Variants in ANXA8 observed in about 807,000 individuals in gnomAD.
ANXA8 encodes annexin A8.
A neutral mutation model predicts 26.8 loss-of-function variants in ANXA8; 9 were observed. The ratio of observed to expected loss-of-function variants is 0.34; its 90% CI spans 0.20 to 0.59. The LOEUF (loss-of-function observed/expected upper bound fraction) is 0.59, where lower values mean the gene tolerates loss of function less well. Ranked by LOEUF, ANXA8 falls within the 20% of genes least tolerant of loss-of-function variation. The probability of loss-of-function intolerance (pLI) is 0.84; values close to 1 mark genes in which losing one functional copy is unlikely to be tolerated. For synonymous variants in ANXA8, 39 were observed against 94.8 expected (o/e 0.41, Z 3.42); for missense variants, 83 against 238.5 (o/e 0.35, Z 4.29).
chr10:47,901,129 CA>C, the ANXA8 span, among the ~76,000 whole-genome samples: 3 of 141,530 alleles, frequency 2.1e-5, no homozygotes, highest in Non-Finnish European at 4.6e-5. Context: ...CCCAGCCAAG[CA>C]AAAAATACAC....
the ANXA8 span, among the ~76,000 whole-genome samples, chr10:47,678,515 TG>T: frequency 2.0e-5 from 3 of 146,950 alleles, no homozygotes; most frequent in Non-Finnish European, 3.0e-5. Flanking sequence ...TATCCAAAAC[TG>T]GGGGAAAAAC....
At chr10:47,944,993 C>A in the ANXA8 span, among the ~76,000 whole-genome samples, 6 of 150,116 alleles carry the variant, frequency 4.0e-5, no homozygotes, top group African/African-American at 1.5e-4. Flanking sequence ...GATTTTGTAT[C>A]TGCAGTTTCC....
At chr10:47,644,930 T>G in the ANXA8 span, among the ~76,000 whole-genome samples, 1 of 151,668 alleles carries the variant, frequency 6.6e-6, no homozygotes, top group African/African-American at 2.4e-5. Context: ...ACCAAATTAT[T>G]CCATTACCTA....
At chr10:47,511,006 C>T in the ANXA8 span, among the ~76,000 whole-genome samples, 2 of 127,728 alleles carry the variant, frequency 1.6e-5, no homozygotes, top group African/African-American at 3.1e-5. Flanking sequence ...TGCAGTGGCG[C>T]GATCTCGGCT....
chr10:47,680,489 G>T, the ANXA8 span, among the ~76,000 whole-genome samples: 1 of 151,810 alleles, frequency 6.6e-6, no homozygotes, highest in Non-Finnish European at 1.5e-5. Flanking sequence ...ACAAAAATTA[G>T]CTGGGTGTGG....
chr10:47,710,125 A>T, the ANXA8 span: 1 of 509,592 alleles, frequency 2.0e-6, no homozygotes, highest in Non-Finnish European at 3.4e-6. Flanking sequence ...ATCTAATCAT[A>T]CTTTACAACA....
the ANXA8 span, among the ~76,000 whole-genome samples, chr10:47,750,582 G>A: frequency 3.3e-5 from 3 of 92,076 alleles, no homozygotes; most frequent in Non-Finnish European, 4.4e-5. Context: ...AAGTAGCTGG[G>A]ACAACAGGCA....
chr10:47,497,689 G>A, the ANXA8 span, among the ~76,000 whole-genome samples: 8 of 146,386 alleles, frequency 5.5e-5, no homozygotes, highest in African/African-American at 1.2e-4. Context: ...TGTAATCCCA[G>A]AACTTTGGGA....
the ANXA8 span, among the ~76,000 whole-genome samples, chr10:47,500,682 TA>T: frequency 9.1e-6 from 1 of 109,574 alleles, no homozygotes; most frequent in Non-Finnish European, 1.8e-5. Flanking sequence ...TAGATCACAT[TA>T]ATGGAAGTGG....
the ANXA8 span, among the ~76,000 whole-genome samples, chr10:47,966,258 T>G: frequency 1.6e-5 from 2 of 123,080 alleles, no homozygotes; most frequent in African/African-American, 2.8e-5. Flanking sequence ...AGGAGAGGAG[T>G]CCCAGAGCAG....
the ANXA8 span, among the ~76,000 whole-genome samples, chr10:47,647,320 T>A: frequency 1.3e-5 from 2 of 151,682 alleles, no homozygotes; most frequent in Non-Finnish European, 2.9e-5. Context: ...TAGTTTGTTT[T>A]CACATTAAAT....
chr10:47,617,660 CTT>C, the ANXA8 span, among the ~76,000 whole-genome samples: 1 of 148,360 alleles, frequency 6.7e-6, no homozygotes, highest in South Asian at 2.1e-4. Context: ...CTGCCCTCAT[CTT>C]TTTGCCCAGC....
At chr10:47,755,808 G>C in the ANXA8 span, among the ~76,000 whole-genome samples, 1 of 142,454 alleles carries the variant, frequency 7.0e-6, no homozygotes, top group Admixed American at 7.1e-5. Flanking sequence ...CAGCATGCCC[G>C]GCTGCTTAAC....
the ANXA8 span, among the ~76,000 whole-genome samples, chr10:47,639,315 T>TTA: frequency 0.12 from 8,380 of 69,808 alleles, 56 homozygotes; most frequent in Non-Finnish European, 0.17. Context: ...ATTATTATTA[T>TTA]TTTTTTTTTT....
At chr10:47,954,103 C>T in the ANXA8 span, among the ~76,000 whole-genome samples, 2 of 150,812 alleles carry the variant, frequency 1.3e-5, no homozygotes, top group Non-Finnish European at 2.9e-5. Context: ...ATGTTTATTG[C>T]AACACTATTC....
the ANXA8 span, among the ~76,000 whole-genome samples, chr10:47,937,310 C>T: frequency 4.7e-5 from 7 of 149,384 alleles, 1 homozygote; most frequent in African/African-American, 1.5e-4. Context: ...GTCGCTAACT[C>T]TCTTTGAGTC....
upstream of ANXA8, among the ~76,000 whole-genome samples, chr10:47,486,007 C>T (rs3006283): frequency 6.0e-4 from 90 of 151,008 alleles, no homozygotes; most frequent in Non-Finnish European, 1.0e-3. Context: ...ACTGGGGAGG[C>T]TGAGGCAGGA....
the ANXA8 span, among the ~76,000 whole-genome samples, chr10:47,980,421 G>A: frequency 1.3e-5 from 2 of 151,270 alleles, no homozygotes. Flanking sequence ...AATAAAGATT[G>A]TAGTGGAAAT....
the ANXA8 span, among the ~76,000 whole-genome samples, chr10:47,603,550 C>T: frequency 6.9e-6 from 1 of 145,396 alleles, no homozygotes; most frequent in Admixed American, 6.7e-5. Context: ...CTTGCTCTGT[C>T]ACCTAGGTTG....
Sources: gnomAD v4.1 joint callset for allele counts (sites outside exome capture counted in the v4.1 genomes callset) on GRCh38, gnomAD v4.1.1 for gene constraint, MANE v1.5 for transcripts, NCBI Gene and HGNC (gene_info 2026-07-23, HGNC 2026-07-21) for gene names.